The following BRAF variants were observed in gnomAD, a reference collection of about 807,000 sequenced individuals.
The protein encoded by BRAF is B-Raf proto-oncogene, serine/threonine kinase.
A neutral mutation model predicts 104.6 loss-of-function variants in BRAF; 16 were observed. The ratio of observed to expected loss-of-function variants is 0.15; its 90% CI spans 0.10 to 0.23. The LOEUF is 0.23. Ranked by LOEUF, BRAF falls within the 10% of genes least tolerant of loss-of-function variation. The pLI is 1.00. For synonymous variants in BRAF, 310 were observed against 341.6 expected (o/e 0.91, Z 1.02); for missense variants, 541 against 937.3 (o/e 0.58, Z 5.52).
chr7:140,896,373 T>C (rs978208755), intron 1 of BRAF, among the ~76,000 whole-genome samples: 1 of 152,096 alleles, frequency 6.6e-6, no homozygotes, highest in Non-Finnish European at 1.5e-5. Context: ...TCGCAAATAA[T>C]ACCAATCCTC....
chr7:140,909,008 T>A (rs868151026), intron 1 of BRAF, among the ~76,000 whole-genome samples: 1,458 of 145,118 alleles, frequency 0.01, 37 homozygotes, highest in African/African-American at 0.037. Context: ...TTTTTTTTTT[T>A]AATACTGTTT....
chr7:140,890,995 CTAAT>C (rs2129116449), intron 1 of BRAF, among the ~76,000 whole-genome samples: 1 of 152,260 alleles, frequency 6.6e-6, no homozygotes. Flanking sequence ...TTTTAAAAGA[CTAAT>C]TATATATCAT....
the BRAF span, among the ~76,000 whole-genome samples, chr7:140,714,062 C>T: frequency 6.6e-6 from 1 of 152,182 alleles, no homozygotes; most frequent in African/African-American, 2.4e-5. Context: ...CAGGGACCCA[C>T]TTGAGGAGGC....
In BRAF at chr7:140,753,189, G is replaced by A. The variant is rs914276686; in HGVS notation, c.1980+86C>T. On this transcript the variant is annotated intron_variant, in intron 16 of 19. Coordinates refer to ENST00000644969, the MANE Select transcript of BRAF (RefSeq NM_001374258.1). ...TACTGGGAACTATGAAAATACTATA[G>A]TTGAGACCTTCAATGACTTTCTAGT... 3 of 936,352 alleles carry A rather than the reference G, an allele frequency of 3.2e-6. No individual in the cohort carries two copies. In the African/African-American group the frequency reaches 4.9e-5, roughly 15 times the overall value. 58.0% of individuals were successfully genotyped at this position (936,352 alleles called of 1,614,324 possible).
intron 1 of BRAF, among the ~76,000 whole-genome samples, chr7:140,856,020 C>A (rs1359973442): frequency 6.6e-6 from 1 of 151,272 alleles, no homozygotes; most frequent in African/African-American, 2.4e-5. Context: ...TATCTCTAAA[C>A]AAACAAACAA....
At chr7:140,745,042 C>T (rs1797240324) in intron 17 of BRAF, among the ~76,000 whole-genome samples, 1 of 151,750 alleles carries the variant, frequency 6.6e-6, no homozygotes, top group Non-Finnish European at 1.5e-5. Flanking sequence ...AGAAACAATA[C>T]AAATAGTTTG....
chr7:140,740,616 G>A (rs1448960889), intron 17 of BRAF: 1 of 152,168 alleles, frequency 6.6e-6, no homozygotes, highest in African/African-American at 2.4e-5. Context: ...AGGAGTCTTG[G>A]GACTCAGGGA....
At position 140,739,955 on chromosome 7, in the gene BRAF, A is replaced by C. The variant is rs971451154; in HGVS notation, c.2113-9T>G. On this transcript the variant is annotated splice_polypyrimidine_tract_variant and intron_variant, in intron 17 of 19. Transcript: ENST00000644969. Reference sequence around the variant, plus strand: ...CCCACCATAAAAATTATCTGGAGAGAGAAAAAAAAGGGAAATAATTCAACC... The same window carrying C: ...CCCACCATAAAAATTATCTGGAGAGCGAAAAAAAAGGGAAATAATTCAACC... 7 of 1,612,624 alleles carry C rather than the reference A, an allele frequency of 4.3e-6. No homozygotes were observed. The African/African-American group carries it at 9.3e-5, about 22-fold the overall frequency.
intron 4 of BRAF, 135 bp from the exon 5 acceptor site, chr7:140,808,197 G>A (rs978915299): frequency 3.6e-5 from 26 of 715,560 alleles, no homozygotes; most frequent in South Asian, 1.2e-4. Flanking sequence ...ATATTCCATC[G>A]TTAGAAATTT....
chr7:140,718,247 A>T (rs544166154), downstream of BRAF, among the ~76,000 whole-genome samples: 2 of 152,006 alleles, frequency 1.3e-5, no homozygotes, highest in South Asian at 2.1e-4. Context: ...GGTGCTGGCC[A>T]CCATGCCCAG....
In BRAF at chr7:140,795,738, A is replaced by T. The variant is rs923814570; in HGVS notation, c.981-1271T>A. Among the ~76,000 whole-genome samples, 3 of 152,336 alleles carry T rather than the reference A, an allele frequency of 2.0e-5. No individual in the cohort carries two copies. The East Asian group carries it at 5.8e-4, about 29-fold the overall frequency. ...TTCATGTGTTTATATTAATGAAATG[A>T]ATCCACTTAGAATTGATATGCAAAT... On this transcript the variant is annotated intron_variant, in intron 7 of 19. Coordinates refer to ENST00000644969, the MANE Select transcript of BRAF (RefSeq NM_001374258.1).
At chr7:140,884,429 A>ATGTGTGTGTGTGTGTGTGTGTGTG (rs71170770) in intron 1 of BRAF, among the ~76,000 whole-genome samples, 22 of 127,528 alleles carry the variant, frequency 1.7e-4, no homozygotes, top group Non-Finnish European at 2.5e-4. Context: ...TATATAAGAT[A>ATGTGTGTGTGTGTGTGTGTGTGTG]TGTGTGTGTG....
At chr7:140,878,453 T>C (rs1812505097) in intron 1 of BRAF, among the ~76,000 whole-genome samples, 1 of 152,116 alleles carries the variant, frequency 6.6e-6, no homozygotes, top group South Asian at 2.1e-4. Flanking sequence ...GTGCAATGAA[T>C]ATTCTCAAGA....
At position 140,899,443 on chromosome 7, in the gene BRAF, C is replaced by G. The variant is rs929763084; in HGVS notation, c.138+25123G>C. Among the ~76,000 whole-genome samples, 4 of 152,176 alleles carry G rather than the reference C, an allele frequency of 2.6e-5. No individual in the cohort carries two copies. The South Asian group carries it at 8.3e-4, about 32-fold the overall frequency. On this transcript the variant is annotated intron_variant, in intron 1 of 19. Transcript: ENST00000644969. ...CTATTATTTTCCAAAGGATTTTTCC[C>G]CCCAATTTACATTCCCATCCATCAG... is the stretch of plus-strand genomic sequence containing the variant.
intron 1 of BRAF, among the ~76,000 whole-genome samples, chr7:140,872,762 C>T (rs932037615): frequency 3.3e-5 from 5 of 151,980 alleles, no homozygotes; most frequent in Admixed American, 1.3e-4. Context: ...ATTCAGGAGG[C>T]CAAAGAGGAA....
At chr7:140,782,630 G>GTA (rs1299005307) in intron 11 of BRAF, among the ~76,000 whole-genome samples, 2 of 152,138 alleles carry the variant, frequency 1.3e-5, no homozygotes, top group Admixed American at 6.5e-5. Flanking sequence ...TGTTACATAC[G>GTA]TATACATGTG....
chr7:140,891,384 T>A (rs879712367), intron 1 of BRAF, among the ~76,000 whole-genome samples: 2 of 152,178 alleles, frequency 1.3e-5, no homozygotes, highest in Non-Finnish European at 2.9e-5. Flanking sequence ...AGGGAGGGTA[T>A]TTGCATATAA....
intron 1 of BRAF, among the ~76,000 whole-genome samples, chr7:140,872,387 TTA>T (rs1811712064): frequency 6.6e-6 from 1 of 151,910 alleles, no homozygotes; most frequent in South Asian, 2.1e-4. Flanking sequence ...AAAGCTTAAA[TTA>T]TGAGAGTAAA....
At chr7:140,888,387 C>T (rs1163392641) in intron 1 of BRAF, among the ~76,000 whole-genome samples, 1 of 146,558 alleles carries the variant, frequency 6.8e-6, no homozygotes, top group Non-Finnish European at 1.5e-5. Context: ...TTAACTAAAC[C>T]TTATAGAATG....
Sources: allele counts gnomAD v4.1 joint callset (sites outside exome capture counted in the v4.1 genomes callset), GRCh38; gene constraint gnomAD v4.1.1; transcripts MANE v1.5; gene names NCBI Gene and HGNC (gene_info 2026-07-23, HGNC 2026-07-21).